CTNND2: variants seen among roughly 807,000 people sequenced by gnomAD.
CTNND2 encodes the protein catenin delta 2.
A neutral mutation model predicts 144.4 loss-of-function variants in CTNND2; 22 were observed. The ratio of observed to expected loss-of-function variants is 0.15; its 90% confidence interval spans 0.11 to 0.22. The LOEUF is 0.22. Ranked by LOEUF, CTNND2 falls within the 10% of genes least tolerant of loss-of-function variation. The probability of loss-of-function intolerance (pLI) is 1.00; values close to 1 mark genes in which losing one functional copy is unlikely to be tolerated. For missense variants in CTNND2, 1,353 were observed against 1,618.8 expected, an observed-to-expected ratio of 0.84 and a Z score of 2.82; for synonymous variants, 751 against 695.6, an observed-to-expected ratio of 1.08 and a Z score of -1.25.
chr5:11,813,900 C>T (rs577998072), intron 1 of CTNND2, among the ~76,000 whole-genome samples: 18 of 152,278 alleles, frequency 1.2e-4, no homozygotes, highest in African/African-American at 3.4e-4. Flanking sequence ...CTTTACCACA[C>T]GGCTACTGAT....
Position 11,178,487 on chromosome 5 carries a change from G to A in CTNND2, c.1976-18728C>T, listed in dbSNP as rs138112372. 6.6e-3 allele frequency among the ~76,000 whole-genome samples: 1,008 copies of A among 152,252 alleles called. 9 individuals carry two copies. The highest frequency in any genetic ancestry group is 0.022 in the African/African-American group (934 of 41,550). On this transcript the variant is annotated intron_variant, in intron 11 of 21. Coordinates refer to ENST00000304623, the MANE Select transcript of CTNND2 (RefSeq NM_001332.4). The stretch of plus-strand genomic sequence containing the variant: ...TCCCCTACTCTTAAGGAGCTTATAG[G>A]TTAATGTAGGTGATAGAGAGGCAGA...
chr5:11,499,020 T>C (rs915640499), intron 3 of CTNND2, among the ~76,000 whole-genome samples: 6 of 152,180 alleles, frequency 3.9e-5, no homozygotes, highest in African/African-American at 1.4e-4. Flanking sequence ...CTTTCTTCTG[T>C]GCAGGGTGTT....
chr5:11,022,798 C>G lies in CTNND2; in HGVS notation c.2970G>C (p.Leu990Phe), dbSNP rs942837157. ...CTCCTTTGCTTTTGGAGATGCCGAC[C>G]AACTTCTCGATGCCACCGGCATCCC... ...ALRDAGGIEK[L>F]VGISKSKGDK... The change falls in exon 17 of 22, where the codon TTG becomes TTC. Residue 990 changes from leucine (L) to phenylalanine (F), a missense_variant. Coordinates refer to ENST00000304623, the MANE Select transcript of CTNND2 (RefSeq NM_001332.4). 1 of 1,614,130 alleles carries G rather than the reference C, an allele frequency of 6.2e-7. No homozygotes were observed. The highest frequency in any genetic ancestry group is 8.5e-7 in the Non-Finnish European group (1 of 1,180,016).
intron 1 of CTNND2, among the ~76,000 whole-genome samples, chr5:11,853,656 C>G (rs1180893752): frequency 6.6e-6 from 1 of 152,186 alleles, no homozygotes; most frequent in Non-Finnish European, 1.5e-5. Flanking sequence ...CCTCTCAGAC[C>G]TGCCCCACTC....
At chr5:11,406,497 T>TG (rs1761114797) in intron 5 of CTNND2, among the ~76,000 whole-genome samples, 1 of 152,224 alleles carries the variant, frequency 6.6e-6, no homozygotes. Context: ...CTGCATCTTT[T>TG]GGTGTCATGC....
intron 1 of CTNND2, among the ~76,000 whole-genome samples, chr5:11,888,992 T>C (rs1190555668): frequency 6.6e-6 from 1 of 152,140 alleles, no homozygotes; most frequent in East Asian, 1.9e-4. Flanking sequence ...TCTCATGATC[T>C]GTCCACCTCA....
intron 3 of CTNND2, among the ~76,000 whole-genome samples, chr5:11,435,104 TTTC>T (rs1373025623): frequency 6.7e-6 from 1 of 149,774 alleles, no homozygotes; most frequent in Non-Finnish European, 1.5e-5. Flanking sequence ...TAGCAAACGT[TTTC>T]TTTTTTACTA....
chr5:11,301,045 G>A (rs572705038), intron 9 of CTNND2, among the ~76,000 whole-genome samples: 74 of 152,124 alleles, frequency 4.9e-4, no homozygotes, highest in African/African-American at 1.3e-3. Context: ...GCTGTTGCAT[G>A]GGCTGGGCTG....
chr5:11,275,993 A>G (rs1449586943), intron 9 of CTNND2, among the ~76,000 whole-genome samples: 7 of 152,266 alleles, frequency 4.6e-5, no homozygotes, highest in Non-Finnish European at 8.8e-5. Flanking sequence ...GTTGTTTCTT[A>G]GAAATTCAAA....
At chr5:11,106,040 C>T (rs1181774586) in intron 14 of CTNND2, among the ~76,000 whole-genome samples, 1 of 152,086 alleles carries the variant, frequency 6.6e-6, no homozygotes, top group Non-Finnish European at 1.5e-5. Flanking sequence ...GAAATGAAAG[C>T]CTAGGAGCAT....
At chr5:11,285,842 G>T (rs1159250505) in intron 9 of CTNND2, among the ~76,000 whole-genome samples, 1 of 66,254 alleles carries the variant, frequency 1.5e-5, no homozygotes, top group Admixed American at 1.2e-4. Context: ...TTATTTCCAG[G>T]AACTGAGGGA....
At chr5:11,569,269 T>C (rs964386221) in intron 2 of CTNND2, among the ~76,000 whole-genome samples, 3 of 152,178 alleles carry the variant, frequency 2.0e-5, no homozygotes, top group Non-Finnish European at 4.4e-5. Context: ...TTAGAAAGCC[T>C]AAATCTCCCC....
chr5:11,166,318 G>A (rs1263937221), intron 11 of CTNND2, among the ~76,000 whole-genome samples: 4 of 145,308 alleles, frequency 2.8e-5, no homozygotes, highest in Non-Finnish European at 4.5e-5. Flanking sequence ...GTGTGATCTC[G>A]GCTCACTGCA....
At chr5:11,573,321 C>T (rs916766513) in intron 2 of CTNND2, among the ~76,000 whole-genome samples, 2 of 152,140 alleles carry the variant, frequency 1.3e-5, no homozygotes, top group Non-Finnish European at 2.9e-5. Flanking sequence ...CTCCTCTCTG[C>T]ACTGACCAAC....
At chr5:11,231,371 GTA>G (rs1324304033) in intron 10 of CTNND2, among the ~76,000 whole-genome samples, 7 of 152,262 alleles carry the variant, frequency 4.6e-5, no homozygotes, top group Admixed American at 4.6e-4. Flanking sequence ...ATATATAGAA[GTA>G]CAAAAGTTTG....
At chr5:11,756,784 T>C (rs1788967405) in intron 1 of CTNND2, among the ~76,000 whole-genome samples, 1 of 149,336 alleles carries the variant, frequency 6.7e-6, no homozygotes, top group African/African-American at 2.4e-5. Context: ...TGTTTAAATC[T>C]GTCGACAGCT....
chr5:11,304,310 C>A (rs11949781), intron 9 of CTNND2, among the ~76,000 whole-genome samples: 113 of 149,428 alleles, frequency 7.6e-4, no homozygotes, highest in African/African-American at 2.7e-3. Context: ...GCATTACACA[C>A]GGACACACCA....
intron 11 of CTNND2, among the ~76,000 whole-genome samples, chr5:11,184,545 T>A (rs915765069): frequency 3.9e-5 from 6 of 152,250 alleles, no homozygotes; most frequent in African/African-American, 1.4e-4. Flanking sequence ...GTGTTTGCTA[T>A]AGACTGCTGT....
chr5:11,077,312 G>A lies in CTNND2; in HGVS notation c.2788+5384C>T, dbSNP rs61750288. The stretch of plus-strand genomic sequence containing the variant: ...ATATTAGAAGGTAATTGGGGCTGTG[G>A]AGAAAATTAAGCAGGGAAAGGAGCT... On this transcript the variant is annotated intron_variant, in intron 16 of 21. Transcript: ENST00000304623. Among the ~76,000 whole-genome samples, 612 of 152,266 alleles carry A rather than the reference G, an allele frequency of 4.0e-3. 5 individuals are homozygous for A. The highest frequency in any genetic ancestry group is 0.012 in the African/African-American group (518 of 41,542).
Sources: allele counts gnomAD v4.1 joint callset (sites outside exome capture counted in the v4.1 genomes callset), GRCh38; gene constraint gnomAD v4.1.1; transcripts MANE v1.5; gene names NCBI Gene and HGNC (gene_info 2026-07-23, HGNC 2026-07-21).